Variants in FMN1 observed in about 807,000 individuals in gnomAD.
The protein encoded by FMN1 is formin 1.
In FMN1, 110 loss-of-function variants were observed where a neutral mutation model predicts 132.4. That is an observed-to-expected ratio of 0.83 (90% confidence interval 0.71 to 0.97). The LOEUF (loss-of-function observed/expected upper bound fraction) is 0.97. Ranked by LOEUF, FMN1 falls within the 50% of genes least tolerant of loss-of-function variation. The probability of loss-of-function intolerance (pLI) is 0.00; values close to 1 mark genes in which losing one functional copy is unlikely to be tolerated. For synonymous variants in FMN1, 722 were observed against 651.7 expected (o/e 1.11, Z -1.64); for missense variants, 1,792 against 1,705.3 (o/e 1.05, Z -0.90).
chr15:33,115,175 T>C (rs1163663890), intron 4 of FMN1, among the ~76,000 whole-genome samples: 1 of 152,162 alleles, frequency 6.6e-6, no homozygotes, highest in African/African-American at 2.4e-5. Flanking sequence ...AAGAACTAAA[T>C]AAATTCTTAG....
chr15:33,146,486 T>C (rs1964225350), intron 4 of FMN1, among the ~76,000 whole-genome samples: 1 of 151,466 alleles, frequency 6.6e-6, no homozygotes, highest in South Asian at 2.1e-4. Flanking sequence ...AATTCTGACC[T>C]GATTTCAAGT....
chr15:32,938,808 T>A, intron 9 of FMN1, among the ~76,000 whole-genome samples: 1 of 152,222 alleles, frequency 6.6e-6, no homozygotes, highest in Non-Finnish European at 1.5e-5. Context: ...GTTTTCATGA[T>A]TTTATTTTGC....
intron 6 of FMN1, among the ~76,000 whole-genome samples, chr15:33,044,508 T>A (rs2036586516): frequency 6.6e-6 from 1 of 152,156 alleles, no homozygotes; most frequent in Non-Finnish European, 1.5e-5. Flanking sequence ...CAACCATCTG[T>A]GGAGAGAAAC....
intron 17 of FMN1, among the ~76,000 whole-genome samples, chr15:32,813,977 C>T (rs1337923114): frequency 6.6e-6 from 1 of 152,184 alleles, no homozygotes; most frequent in Non-Finnish European, 1.5e-5. Context: ...TACTACACAT[C>T]TTCCATAGGA....
chr15:33,085,161 GAGTTA>G (rs2038639518), intron 5 of FMN1, among the ~76,000 whole-genome samples: 1 of 152,126 alleles, frequency 6.6e-6, no homozygotes, highest in African/African-American at 2.4e-5. Flanking sequence ...TTGGTTACAT[GAGTTA>G]AGTTCTTTAG....
At chr15:32,969,794 T>TA (rs2031626190) in intron 7 of FMN1, among the ~76,000 whole-genome samples, 1 of 152,218 alleles carries the variant, frequency 6.6e-6, no homozygotes, top group Admixed American at 6.5e-5. Flanking sequence ...ACAAAACTTT[T>TA]AATAAAGTTT....
intron 4 of FMN1, among the ~76,000 whole-genome samples, chr15:33,119,402 T>A (rs1229206057): frequency 1.3e-5 from 2 of 152,122 alleles, no homozygotes; most frequent in South Asian, 2.1e-4. Context: ...CAGGACAGCC[T>A]GGGAGGAAGG....
chr15:33,100,587 G>A (rs1001767478), intron 4 of FMN1, among the ~76,000 whole-genome samples: 2 of 152,056 alleles, frequency 1.3e-5, no homozygotes, highest in East Asian at 3.9e-4. Context: ...GAGGTCTTAC[G>A]GCCCACAAAG....
At chr15:32,964,348 T>C in intron 8 of FMN1, 91 bp from the exon 9 acceptor site, 1 of 951,672 alleles carries the variant, frequency 1.1e-6, no homozygotes, top group Non-Finnish European at 1.5e-6. Flanking sequence ...TTTTTTAATT[T>C]CATTTTTCTA....
rs190574894 is a variant in FMN1 at position 32,999,977 on chromosome 15, C to A, written c.2223+8037G>T. On this transcript the variant is annotated intron_variant, in intron 7 of 20. Coordinates refer to ENST00000616417, the MANE Select transcript of FMN1 (RefSeq NM_001277313.2). ...TGGGTATCCTACAGAGTTTCACTTA[C>A]CTTTCCAGAGCTGCATCCCTTCACA... Among the ~76,000 whole-genome samples, 5 of 152,284 alleles carry A rather than the reference C, an allele frequency of 3.3e-5. No individual in the cohort carries two copies. In the East Asian group the frequency reaches 9.6e-4, roughly 29 times the overall value.
At chr15:32,818,475 T>C (rs1249077150) in intron 17 of FMN1, among the ~76,000 whole-genome samples, 2 of 152,170 alleles carry the variant, frequency 1.3e-5, no homozygotes, top group African/African-American at 4.8e-5. Context: ...CCAAATAGAA[T>C]TAAGGCAGAT....
intron 7 of FMN1, among the ~76,000 whole-genome samples, chr15:32,983,061 G>A (rs1267687844): frequency 6.6e-6 from 1 of 152,026 alleles, no homozygotes; most frequent in East Asian, 1.9e-4. Context: ...TATTACTTAT[G>A]TTTCTCCGGA....
At chr15:32,899,572 C>T (rs1228846710) in intron 14 of FMN1, among the ~76,000 whole-genome samples, 1 of 152,020 alleles carries the variant, frequency 6.6e-6, no homozygotes, top group African/African-American at 2.4e-5. Context: ...ATTGTTGTGG[C>T]AAAAAATTGG....
Position 32,771,530 on chromosome 15 carries a change from G to A in FMN1, c.*2780C>T, listed in dbSNP as rs1251981059. The A allele has an allele frequency of 6.6e-6, 1 of 152,186 alleles. No individual in the cohort carries two copies. The highest frequency in any genetic ancestry group is 1.5e-5 in the Non-Finnish European group (1 of 68,026). The allele number at this position is 152,186 out of a possible 1,614,324, so 9.4% of individuals were successfully genotyped here. ...GTCAAACTGTGTCCTCAGATTTAATGAATATTGTCTAAGAGGAGACAAAGT... is the reference window on the plus strand; with the variant it reads ...GTCAAACTGTGTCCTCAGATTTAATAAATATTGTCTAAGAGGAGACAAAGT... On this transcript the variant is annotated 3_prime_UTR_variant, in exon 21 of 21. Transcript: ENST00000616417.
chr15:32,986,540 A>G (rs749449969), intron 7 of FMN1, among the ~76,000 whole-genome samples: 9 of 152,142 alleles, frequency 5.9e-5, no homozygotes, highest in Non-Finnish European at 8.8e-5. Context: ...ATCTAGGTTT[A>G]TTTTTTAATA....
At chr15:32,888,023 AGAG>A in intron 16 of FMN1, 146 bp downstream of exon 16, 1 of 561,634 alleles carries the variant, frequency 1.8e-6, no homozygotes. Context: ...CACACTGTGT[AGAG>A]AAGGAAAGTT....
chr15:33,027,609 C>G (rs1211955712), intron 6 of FMN1, among the ~76,000 whole-genome samples: 2 of 152,122 alleles, frequency 1.3e-5, no homozygotes, highest in Admixed American at 6.5e-5. Flanking sequence ...TTTGTTGTTG[C>G]TTTATGGTAG....
intron 9 of FMN1, among the ~76,000 whole-genome samples, chr15:32,944,985 T>C (rs2061478461): frequency 1.3e-5 from 2 of 152,202 alleles, no homozygotes; most frequent in South Asian, 2.1e-4. Flanking sequence ...GCTTTGATTT[T>C]AGACTTCTAG....
At chr15:33,006,765 T>G (rs2034439936) in intron 7 of FMN1, among the ~76,000 whole-genome samples, 1 of 152,138 alleles carries the variant, frequency 6.6e-6, no homozygotes, top group Non-Finnish European at 1.5e-5. Flanking sequence ...TAGAGAACAT[T>G]ATGTTACGTG....
Sources: allele counts gnomAD v4.1 joint callset (sites outside exome capture counted in the v4.1 genomes callset), GRCh38; gene constraint gnomAD v4.1.1; transcripts MANE v1.5; gene names NCBI Gene and HGNC (gene_info 2026-07-23, HGNC 2026-07-21).